RBBP9: variants seen among roughly 807,000 people sequenced by gnomAD.
RBBP9 encodes the protein serine hydrolase RBBP9.
Under a neutral mutation model 24.2 loss-of-function variants are expected in RBBP9, and 20 were observed. The observed-to-expected ratio is 0.83, with a 90% CI of 0.58 to 1.20. The LOEUF (loss-of-function observed/expected upper bound fraction) is 1.20. RBBP9 is among the 50% of genes most tolerant of loss of function. The pLI, the probability that RBBP9 is intolerant of heterozygous loss-of-function variation, is 0.00. For synonymous variants in RBBP9, 74 were observed against 84.6 expected (o/e 0.87, Z 0.69); for missense variants, 234 against 233.6 (o/e 1.00, Z -0.01).
rs1210713904 is a variant in RBBP9, at chr20:18,490,490, C to T, written c.249-10G>A. ...ATGTGTTTCTGCATACCTGGAGAAA[C>T]AAAAATGATGTCAGCTAATATATAA... On this transcript the variant is annotated splice_polypyrimidine_tract_variant and intron_variant, in intron 3 of 4. Transcript: ENST00000337227. 2 of 1,590,052 alleles carry T rather than the reference C, an allele frequency of 1.3e-6. No homozygotes were observed. The highest frequency in any genetic ancestry group is 2.2e-5 in the East Asian group (1 of 44,662).
Position 18,487,053 on chromosome 20 carries a change from G to A in RBBP9, c.*2711C>T, listed in dbSNP as rs186215412. Reference sequence around the variant, plus strand: ...ACTCATTATTGGATGGTGGGTGAGGGGAAAATACAAAATATATGTCCTAGA... The same window carrying A: ...ACTCATTATTGGATGGTGGGTGAGGAGAAAATACAAAATATATGTCCTAGA... On this transcript the variant is annotated 3_prime_UTR_variant, in exon 5 of 5. Transcript: ENST00000337227. 1 of 152,230 alleles carries A rather than the reference G, an allele frequency of 6.6e-6. No individual in the cohort carries two copies. Among genetic ancestry groups the A allele is most frequent in the African/African-American group, 2.4e-5 (1 of 41,536 alleles). The allele number at this position is 152,230 out of a possible 1,614,324, so 9.4% of individuals were successfully genotyped here.
intron 3 of RBBP9, among the ~76,000 whole-genome samples, chr20:18,490,931 G>A (rs113554929): frequency 0.073 from 11,152 of 151,734 alleles, 526 homozygotes; most frequent in Non-Finnish European, 0.1. Context: ...CACTCACCCC[G>A]GCCTCCTAAA....
At chr20:18,493,660 T>C (rs1344364608) in intron 3 of RBBP9, among the ~76,000 whole-genome samples, 2 of 152,202 alleles carry the variant, frequency 1.3e-5, no homozygotes, top group African/African-American at 4.8e-5. Context: ...TCAGTAAACC[T>C]GGCTGGGAGG....
At chr20:18,491,780 C>G (rs1406063196) in intron 3 of RBBP9, among the ~76,000 whole-genome samples, 2 of 152,010 alleles carry the variant, frequency 1.3e-5, no homozygotes, top group Non-Finnish European at 2.9e-5. Flanking sequence ...TGAAAAATAT[C>G]AAACCTACAG....
At position 18,490,382 on chromosome 20, in the gene RBBP9, C is replaced by T; in HGVS notation, c.334+13G>A. The T allele has an allele frequency of 6.2e-7, 1 of 1,604,598 alleles. No individual in the cohort carries two copies. Among genetic ancestry groups the T allele is most frequent in the South Asian group, 1.1e-5 (1 of 90,874 alleles). ...GAGAAGGGCTTTGCTCAGATTTCTA[C>T]CTTTGGACTTACCACTTGCACGCTC... On this transcript the variant is annotated intron_variant, in intron 4 of 4. Coordinates refer to ENST00000337227, the MANE Select transcript of RBBP9 (RefSeq NM_006606.3).
chr20:18,493,657 A>G (rs1271386800), intron 3 of RBBP9, among the ~76,000 whole-genome samples: 1 of 152,134 alleles, frequency 6.6e-6, no homozygotes, highest in East Asian at 1.9e-4. Flanking sequence ...AGGTCAGTAA[A>G]CCTGGCTGGG....
In RBBP9 at chr20:18,490,483, G is replaced by A. The variant is rs2059861197; in HGVS notation, c.249-3C>T. On this transcript the variant is annotated splice_polypyrimidine_tract_variant and splice_region_variant and intron_variant, in intron 3 of 4. Transcript: ENST00000337227. ...ATACTCGATGTGTTTCTGCATACCT[G>A]GAGAAACAAAAATGATGTCAGCTAA... 2 of 1,605,244 alleles carry A rather than the reference G, an allele frequency of 1.2e-6. No individual in the cohort carries two copies. The highest frequency in any genetic ancestry group is 1.7e-5 in the Admixed American group (1 of 59,858).
chr20:18,495,007 G>A (rs1479910923), intron 2 of RBBP9, among the ~76,000 whole-genome samples: 1 of 152,140 alleles, frequency 6.6e-6, no homozygotes, highest in African/African-American at 2.4e-5. Flanking sequence ...CATCCGGGAG[G>A]TGAGGGGCGC....
rs1446801599 is a variant in RBBP9 at position 18,486,863 on chromosome 20, C to T, written c.*2901G>A. Reference sequence around the variant, plus strand: ...TCAAACAGAAATCAGAAATGACAGTCCATGGCTCTATGGTTTTTAATGAAT... The same window carrying T: ...TCAAACAGAAATCAGAAATGACAGTTCATGGCTCTATGGTTTTTAATGAAT... On this transcript the variant is annotated 3_prime_UTR_variant, in exon 5 of 5. Coordinates refer to ENST00000337227, the MANE Select transcript of RBBP9 (RefSeq NM_006606.3). The T allele has an allele frequency of 2.6e-5, 4 of 152,140 alleles. No homozygotes were observed. Among genetic ancestry groups the T allele is most frequent in the Admixed American group, 2.0e-4 (3 of 15,274 alleles). The allele number at this position is 152,140 out of a possible 1,614,324, so 9.4% of individuals were successfully genotyped here.
At chr20:18,495,029 C>T (rs6514897) in intron 2 of RBBP9, among the ~76,000 whole-genome samples, 20,976 of 151,800 alleles carry the variant, frequency 0.14, 1,982 homozygotes, top group East Asian at 0.27. Flanking sequence ...TCTGCCCGGC[C>T]GCCCCTACTG....
chr20:18,490,393 A>G lies in RBBP9; in HGVS notation c.334+2T>C, dbSNP rs1257246945. On this transcript the variant is annotated splice_donor_variant, in intron 4 of 4. Transcript: ENST00000337227. LOFTEE classifies it high-confidence loss of function. The stretch of plus-strand genomic sequence containing the variant: ...TGCTCAGATTTCTACCTTTGGACTT[A>G]CCACTTGCACGCTCATTTTCATCCC... The G allele has an allele frequency of 2.5e-5, 40 of 1,610,862 alleles. No individual in the cohort carries two copies. Among genetic ancestry groups the G allele is most frequent in the Non-Finnish European group, 3.2e-5 (38 of 1,177,146 alleles).
At chr20:18,491,618 CCA>C (rs1429801495) in intron 3 of RBBP9, among the ~76,000 whole-genome samples, 1 of 152,018 alleles carries the variant, frequency 6.6e-6, no homozygotes, top group East Asian at 1.9e-4. Flanking sequence ...TTGGCAAAAA[CCA>C]CAGTTATATT....
At chr20:18,492,971 C>T (rs1033380838) in intron 3 of RBBP9, among the ~76,000 whole-genome samples, 1 of 152,124 alleles carries the variant, frequency 6.6e-6, no homozygotes, top group Non-Finnish European at 1.5e-5. Flanking sequence ...GTGGTTCCAT[C>T]CTGAAATACT....
In RBBP9 at chr20:18,488,003, C is replaced by T. The variant is rs568970619; in HGVS notation, c.*1761G>A. On this transcript the variant is annotated 3_prime_UTR_variant, in exon 5 of 5. Transcript: ENST00000337227. ...ACTTTACCTACCAAAATGCCCATTC[C>T]CCAAAGATGATTGCTGTTGAACGAT... is the stretch of plus-strand genomic sequence containing the variant. The T allele has an allele frequency of 1.3e-5, 2 of 152,202 alleles. No homozygotes were observed. Among genetic ancestry groups the T allele is most frequent in the South Asian group, 4.1e-4 (2 of 4,828 alleles). The allele number at this position is 152,202 out of a possible 1,614,324, so 9.4% of individuals were successfully genotyped here. A position where few individuals can be genotyped will look rare whatever the true frequency, so the allele number is the denominator to read the frequency against.
chr20:18,490,582 G>T, intron 3 of RBBP9, 102 bp from the exon 4 acceptor site: 2 of 781,526 alleles, frequency 2.6e-6, no homozygotes, highest in South Asian at 1.6e-5. Context: ...CCTACAGAAA[G>T]CACGTGCTAC....
At chr20:18,490,774 G>A (rs2059862236) in intron 3 of RBBP9, among the ~76,000 whole-genome samples, 1 of 151,892 alleles carries the variant, frequency 6.6e-6, no homozygotes, top group African/African-American at 2.4e-5. Context: ...CCACCTCCTG[G>A]GTTCAAACAA....
chr20:18,489,806 T>G lies in RBBP9; in HGVS notation c.519A>C (p.Glu173Asp). 1 of 1,613,902 alleles carries G rather than the reference T, an allele frequency of 6.2e-7. No homozygotes were observed. Among genetic ancestry groups the G allele is most frequent in the South Asian group, 1.1e-5 (1 of 91,084 alleles). Residue 173 changes from glutamate (E) to aspartate (D), a missense_variant, in exon 5 of 5, where the codon GAA becomes GAC. Glu to Asp is a conservative substitution (Grantham distance 45, BLOSUM62 2). Transcript: ENST00000337227. ...GCAAAGACTTTACAACAGTAATCAG[T>G]TCATGAAACTCTGTGTTCTGAAAGT... The part of the protein sequence containing the change: ...CGHFQNTEFH[E>D]LITVVKSLLK...
Position 18,489,668 on chromosome 20 carries a change from G to A in RBBP9, c.*96C>T. On this transcript the variant is annotated 3_prime_UTR_variant, in exon 5 of 5. Transcript: ENST00000337227. The stretch of plus-strand genomic sequence containing the variant: ...TGTGTTTGTTTTTCAGGCACTTACG[G>A]AACTTAACTGGATGTTCTATGTGTC... 1.3e-6 allele frequency: 1 copy of A among 780,672 alleles called. No homozygotes were observed. The highest frequency in any genetic ancestry group is 2.7e-5 in the East Asian group (1 of 37,384). The allele number at this position is 780,672 out of a possible 1,614,324, so 48.4% of individuals were successfully genotyped here.
Position 18,497,224 on chromosome 20 carries a change from G to A in RBBP9, c.-57C>T, listed in dbSNP as rs2059890415. ...GGTCCAGCGGAGCTGAGCCCAGCCT[G>A]CTCCCGCAGGGAGCCTGCGCCGCGG... is the stretch of plus-strand genomic sequence containing the variant. On this transcript the variant is annotated 5_prime_UTR_variant, in exon 1 of 5. Coordinates refer to ENST00000337227, the MANE Select transcript of RBBP9 (RefSeq NM_006606.3). 7.0e-7 allele frequency: 1 copy of A among 1,427,284 alleles called. No homozygotes were observed. The highest frequency in any genetic ancestry group is 9.8e-7 in the Non-Finnish European group (1 of 1,017,638). 88.4% of individuals were successfully genotyped at this position (1,427,284 alleles called of 1,614,324 possible). A position where few individuals can be genotyped will look rare whatever the true frequency, so the allele number is the denominator to read the frequency against.
Sources: gnomAD v4.1 joint callset for allele counts (sites outside exome capture counted in the v4.1 genomes callset) on GRCh38, gnomAD v4.1.1 for gene constraint, MANE v1.5 for transcripts, NCBI Gene and HGNC (gene_info 2026-07-23, HGNC 2026-07-21) for gene names.